SIRPA: variants seen among roughly 807,000 people sequenced by gnomAD.
The protein encoded by SIRPA is signal regulatory protein alpha.
Under a neutral mutation model 50.3 loss-of-function variants are expected in SIRPA, and 9 were observed. The ratio of observed to expected loss-of-function variants is 0.18; its 90% CI spans 0.11 to 0.31. SIRPA has a LOEUF of 0.31. Ranked by LOEUF, SIRPA falls within the 10% of genes least tolerant of loss-of-function variation. The pLI, the probability that SIRPA is intolerant of heterozygous loss-of-function variation, is 1.00. For missense variants in SIRPA, 474 were observed against 661.6 expected, an observed-to-expected ratio of 0.72 and a Z score of 3.11; for synonymous variants, 265 against 284.1, an observed-to-expected ratio of 0.93 and a Z score of 0.68.
chr20:1,900,738 A>G (rs1984140966), intron 1 of SIRPA, among the ~76,000 whole-genome samples: 1 of 152,228 alleles, frequency 6.6e-6, no homozygotes, highest in Admixed American at 6.5e-5. Context: ...CTGTGCTGGA[A>G]CTTTCCACTG....
chr20:1,901,761 G>C (rs1156350071), intron 1 of SIRPA, among the ~76,000 whole-genome samples: 1 of 152,118 alleles, frequency 6.6e-6, no homozygotes, highest in Admixed American at 6.5e-5. Context: ...AGATTTCCTG[G>C]CACATTCGTT....
intron 1 of SIRPA, among the ~76,000 whole-genome samples, chr20:1,911,067 G>A (rs1168358185): frequency 2.0e-5 from 3 of 152,030 alleles, no homozygotes; most frequent in African/African-American, 7.2e-5. Flanking sequence ...CTACTACTTG[G>A]TAACAGACTC....
chr20:1,937,514 C>T lies in SIRPA; in HGVS notation c.1461C>T (p.Pro487=), dbSNP rs1234699251. 4.3e-6 allele frequency: 7 copies of T among 1,614,152 alleles called. No homozygotes were observed. The highest frequency in any genetic ancestry group is 2.2e-5 in the South Asian group (2 of 91,084). The change falls in exon 8 of 8, where the codon CCC becomes CCT. Residue 487 remains proline, a synonymous_variant. Transcript: ENST00000358771. This position sits in a 1 kb window ranked among gnomAD's most constrained non-coding sequence, Gnocchi z 8.3. ...HLNRTPKQPA[P]KPEPSFSEYA... ...ACCGGACCCCCAAGCAGCCGGCCCC[C>T]AAGCCTGAGCCGTCCTTCTCAGAGT...
In SIRPA at chr20:1,924,264, G is replaced by T. The variant is rs1600441345; in HGVS notation, c.1088-500G>T. On this transcript the variant is annotated intron_variant, in intron 4 of 7. Transcript: ENST00000358771. The surrounding 1 kb of genome is among the most constrained non-coding windows in gnomAD (Gnocchi z 4.5). ...TCAAGCCTCCATTGTATTTTCAAGAGTCCTGGTTCAGAGCCCCTATGCTAA... is the reference window on the plus strand; with the variant it reads ...TCAAGCCTCCATTGTATTTTCAAGATTCCTGGTTCAGAGCCCCTATGCTAA... 6.6e-6 allele frequency among the ~76,000 whole-genome samples: 1 copy of T among 152,208 alleles called. No homozygotes were observed. Among genetic ancestry groups the T allele is most frequent in the Non-Finnish European group, 1.5e-5 (1 of 68,042 alleles).
chr20:1,929,380 G>A (rs973934144), intron 6 of SIRPA, among the ~76,000 whole-genome samples: 6 of 152,110 alleles, frequency 3.9e-5, no homozygotes, highest in Non-Finnish European at 8.8e-5. Context: ...AGACACAAGA[G>A]GACTTGCTGA....
intron 1 of SIRPA, among the ~76,000 whole-genome samples, chr20:1,903,655 C>T (rs539097861): frequency 1.2e-4 from 19 of 152,322 alleles, no homozygotes; most frequent in African/African-American, 4.3e-4. Flanking sequence ...TCCTTTCTGG[C>T]CCTTCACCAG....
In SIRPA at chr20:1,933,427, C is replaced by A. The variant is rs1220445592; in HGVS notation, c.1227-1288C>A. Reference sequence around the variant, plus strand: ...CCCCCCCCCCGAAATATCTGGTGGGCAGATGAGTGGGTACATGAGGGCAGG... The same window carrying A: ...CCCCCCCCCCGAAATATCTGGTGGGAAGATGAGTGGGTACATGAGGGCAGG... On this transcript the variant is annotated intron_variant, in intron 6 of 7. Transcript: ENST00000358771. This position sits in a 1 kb window ranked among gnomAD's most constrained non-coding sequence, Gnocchi z 4.4. 7.0e-6 allele frequency among the ~76,000 whole-genome samples: 1 copy of A among 143,178 alleles called. No individual in the cohort carries two copies. 93.9% of individuals were successfully genotyped at this position (143,178 alleles called of 152,430 possible).
chr20:1,907,575 G>A lies in SIRPA; in HGVS notation c.80-7524G>A, dbSNP rs7271945. Among the ~76,000 whole-genome samples the A allele has an allele frequency of 4.4e-3, 663 of 152,290 alleles. 5 individuals are homozygous for A. Among genetic ancestry groups the A allele is most frequent in the Non-Finnish European group, 7.2e-3 (490 of 68,006 alleles). The stretch of plus-strand genomic sequence containing the variant: ...TGTCAGCCTTTAAGACCTAGCTCAG[G>A]GGCCACCAGCTCCAGGAAGTCTTCC... On this transcript the variant is annotated intron_variant, in intron 1 of 7. Coordinates refer to ENST00000358771, the MANE Select transcript of SIRPA (RefSeq NM_001040023.2).
At chr20:1,921,769 C>A (rs1985676662) in intron 3 of SIRPA, 57 bp downstream of exon 3, 1 of 1,608,238 alleles carries the variant, frequency 6.2e-7, no homozygotes, top group Non-Finnish European at 8.5e-7. Context: ...CACCCCCCAC[C>A]ACCCTCCACT....
At chr20:1,899,967 T>G (rs1216985377) in intron 1 of SIRPA, among the ~76,000 whole-genome samples, 1 of 152,238 alleles carries the variant, frequency 6.6e-6, no homozygotes, top group African/African-American at 2.4e-5. Flanking sequence ...ATTCCTCTTT[T>G]TTAACAATTG....
At position 1,933,402 on chromosome 20, in the gene SIRPA, C is replaced by A. The variant is rs1400456182; in HGVS notation, c.1227-1313C>A. Among the ~76,000 whole-genome samples the A allele has an allele frequency of 1.7e-5, 1 of 60,164 alleles. No individual in the cohort carries two copies. The highest frequency in any genetic ancestry group is 3.2e-5 in the Non-Finnish European group (1 of 30,832). The allele number at this position is 60,164 out of a possible 152,430, so 39.5% of individuals were successfully genotyped here. On this transcript the variant is annotated intron_variant, in intron 6 of 7. Transcript: ENST00000358771. The surrounding 1 kb of genome is among the most constrained non-coding windows in gnomAD (Gnocchi z 4.4). The stretch of plus-strand genomic sequence containing the variant: ...ATGAAGTACATAACATCAAATGCCA[C>A]CCCCCCCCCGAAATATCTGGTGGGC...
At chr20:1,914,339 G>C (rs1470332518) in intron 1 of SIRPA, among the ~76,000 whole-genome samples, 1 of 152,218 alleles carries the variant, frequency 6.6e-6, no homozygotes, top group East Asian at 1.9e-4. Context: ...CTAAAGACCA[G>C]ATGCTGCATT....
intron 1 of SIRPA, among the ~76,000 whole-genome samples, chr20:1,902,482 T>C (rs1382975770): frequency 6.6e-6 from 1 of 152,224 alleles, no homozygotes; most frequent in African/African-American, 2.4e-5. Flanking sequence ...TCAACAAATA[T>C]TTTTGAGCAC....
At chr20:1,916,524 C>T (rs1985307582) in intron 2 of SIRPA, among the ~76,000 whole-genome samples, 1 of 152,224 alleles carries the variant, frequency 6.6e-6, no homozygotes, top group African/African-American at 2.4e-5. Context: ...GAAGCCAGCA[C>T]TTCTCCTTTC....
At chr20:1,913,284 G>A (rs1985013847) in intron 1 of SIRPA, among the ~76,000 whole-genome samples, 1 of 152,220 alleles carries the variant, frequency 6.6e-6, no homozygotes, top group Non-Finnish European at 1.5e-5. Context: ...GTCAAGACTG[G>A]GTGAGGCTGG....
intron 2 of SIRPA, among the ~76,000 whole-genome samples, chr20:1,919,060 C>T (rs1985487787): frequency 6.6e-6 from 1 of 152,224 alleles, no homozygotes; most frequent in South Asian, 2.1e-4. Flanking sequence ...GGCGCCTGGC[C>T]TGCAGTCAAT....
chr20:1,899,452 T>A (rs1984032043), intron 1 of SIRPA, among the ~76,000 whole-genome samples: 1 of 152,192 alleles, frequency 6.6e-6, no homozygotes, highest in Non-Finnish European at 1.5e-5. Context: ...TCCCTGAACT[T>A]ATGAACGAGA....
rs1985836998 is a variant in SIRPA, at chr20:1,924,179, C to G, written c.1088-585C>G. On this transcript the variant is annotated intron_variant, in intron 4 of 7. Coordinates refer to ENST00000358771, the MANE Select transcript of SIRPA (RefSeq NM_001040023.2). This position sits in a 1 kb window ranked among gnomAD's most constrained non-coding sequence, Gnocchi z 4.5. ...AAAGCACTTTTCTGTGGCTTAGAGC[C>G]CTGCTTCTGATGAACCACTGTGTTC... Among the ~76,000 whole-genome samples the G allele has an allele frequency of 6.6e-6, 1 of 152,168 alleles. No homozygotes were observed. The highest frequency in any genetic ancestry group is 1.5e-5 in the Non-Finnish European group (1 of 68,038).
chr20:1,895,587 A>G, intron 1 of SIRPA, 61 bp downstream of exon 1: 1 of 1,253,222 alleles, frequency 8.0e-7, no homozygotes, highest in Non-Finnish European at 1.0e-6. Flanking sequence ...GGCCTCTCAG[A>G]CTGGCACTGG....
Sources: allele counts gnomAD v4.1 joint callset (sites outside exome capture counted in the v4.1 genomes callset), GRCh38; gene constraint gnomAD v4.1.1; non-coding constraint Gnocchi (gnomAD v3.1); transcripts MANE v1.5; gene names NCBI Gene and HGNC (gene_info 2026-07-23, HGNC 2026-07-21).